The following KIAA1549L variants were observed in gnomAD, a reference collection of about 807,000 sequenced individuals.
The protein encoded by KIAA1549L is UPF0606 protein KIAA1549L.
A neutral mutation model predicts 160.7 loss-of-function variants in KIAA1549L; 88 were observed. The ratio of observed to expected loss-of-function variants is 0.55; its 90% CI spans 0.46 to 0.65. The LOEUF (loss-of-function observed/expected upper bound fraction) is 0.65, where lower values mean the gene tolerates loss of function less well. KIAA1549L is among the 30% of genes least tolerant of loss of function. The pLI, the probability that KIAA1549L is intolerant of heterozygous loss-of-function variation, is 0.00. For missense variants in KIAA1549L, 2,258 were observed against 2,437.5 expected, an observed-to-expected ratio of 0.93 and a Z score of 1.55; for synonymous variants, 950 against 976.7, an observed-to-expected ratio of 0.97 and a Z score of 0.51.
At chr11:33,465,435 A>C (rs1250360286) in intron 1 of KIAA1549L, among the ~76,000 whole-genome samples, 1 of 152,058 alleles carries the variant, frequency 6.6e-6, no homozygotes, top group Admixed American at 6.6e-5. Context: ...CAGGGGCTCC[A>C]CTGAGGGTTC....
chr11:33,589,097 G>A (rs1190416786), intron 11 of KIAA1549L, among the ~76,000 whole-genome samples: 6 of 152,222 alleles, frequency 3.9e-5, no homozygotes, highest in South Asian at 2.1e-4. Flanking sequence ...AAAAGTGGGC[G>A]AAGGATATGA....
chr11:33,612,050 T>TA (rs1850661878), intron 15 of KIAA1549L, among the ~76,000 whole-genome samples: 1 of 152,098 alleles, frequency 6.6e-6, no homozygotes, highest in South Asian at 2.1e-4. Context: ...TTCATGATCA[T>TA]AAAGCACCAA....
intron 20 of KIAA1549L, among the ~76,000 whole-genome samples, chr11:33,667,071 C>T (rs1852483289): frequency 6.6e-6 from 1 of 152,210 alleles, no homozygotes; most frequent in African/African-American, 2.4e-5. Context: ...GTGGTACCCA[C>T]CTGTAGTCCC....
At chr11:33,629,437 C>T (rs1428289022) in intron 16 of KIAA1549L, among the ~76,000 whole-genome samples, 1 of 152,164 alleles carries the variant, frequency 6.6e-6, no homozygotes, top group Non-Finnish European at 1.5e-5. Context: ...ATCAGACGTA[C>T]ATTTGGTCTT....
chr11:33,487,660 A>G (rs1337648797), intron 1 of KIAA1549L, among the ~76,000 whole-genome samples: 1 of 151,662 alleles, frequency 6.6e-6, no homozygotes, highest in Non-Finnish European at 1.5e-5. Flanking sequence ...AATACTTGAA[A>G]CCCATCCTCA....
chr11:33,511,031 C>T (rs903968272), intron 1 of KIAA1549L, among the ~76,000 whole-genome samples: 1 of 152,224 alleles, frequency 6.6e-6, no homozygotes, highest in Non-Finnish European at 1.5e-5. Flanking sequence ...TCCTAGGCCT[C>T]AGAAGCTGGA....
chr11:33,630,348 C>G (rs1851245444), intron 16 of KIAA1549L, among the ~76,000 whole-genome samples: 1 of 152,268 alleles, frequency 6.6e-6, no homozygotes, highest in Admixed American at 6.5e-5. Flanking sequence ...CCTAAGCAAG[C>G]CTGGGCAATG....
chr11:33,529,107 A>T (rs1853681096), intron 1 of KIAA1549L, among the ~76,000 whole-genome samples: 1 of 152,186 alleles, frequency 6.6e-6, no homozygotes, highest in Admixed American at 6.5e-5. Flanking sequence ...AGGCCTAGGC[A>T]GGCAGACCAC....
intron 1 of KIAA1549L, among the ~76,000 whole-genome samples, chr11:33,457,435 C>T (rs545702580): frequency 9.2e-5 from 14 of 152,178 alleles, no homozygotes; most frequent in Non-Finnish European, 1.8e-4. Context: ...CATCCTGTTA[C>T]CCAAAGCATC....
At chr11:33,444,465 G>T (rs1851570809) in intron 1 of KIAA1549L, among the ~76,000 whole-genome samples, 1 of 152,112 alleles carries the variant, frequency 6.6e-6, no homozygotes, top group African/African-American at 2.4e-5. Flanking sequence ...GATATTTCTG[G>T]AAAGAGGCAC....
At chr11:33,441,425 G>A (rs1479397635) in intron 1 of KIAA1549L, among the ~76,000 whole-genome samples, 5 of 151,786 alleles carry the variant, frequency 3.3e-5, no homozygotes, top group Admixed American at 2.0e-4. Context: ...TAATCCTTTG[G>A]ATATATACCC....
chr11:33,578,454 C>T (rs959388102), intron 10 of KIAA1549L, among the ~76,000 whole-genome samples: 25 of 152,208 alleles, frequency 1.6e-4, no homozygotes, highest in Non-Finnish European at 8.8e-5. Context: ...TCCCATCATT[C>T]TCTCCCACTT....
At chr11:33,606,499 C>A in intron 13 of KIAA1549L, 142 bp from the exon 14 acceptor site, 1 of 746,456 alleles carries the variant, frequency 1.3e-6, no homozygotes, top group Non-Finnish European at 2.1e-6. Context: ...GTAGCGAGTC[C>A]TTGGCACAGA....
intron 6 of KIAA1549L, among the ~76,000 whole-genome samples, chr11:33,555,839 C>CA (rs1295542861): frequency 6.6e-6 from 1 of 151,964 alleles, no homozygotes; most frequent in Non-Finnish European, 1.5e-5. Flanking sequence ...TTCTGTGCAT[C>CA]AAAAAACACT....
rs139358642 is a variant in KIAA1549L at position 33,390,558 on chromosome 11, G to T, written c.238+13669G>T. Among the ~76,000 whole-genome samples, 93 of 152,300 alleles carry T rather than the reference G, an allele frequency of 6.1e-4. No homozygotes were observed. In the East Asian group the frequency reaches 8.3e-3, roughly 14 times the overall value. ...GCTGCAATCTGGCCAATGGAATTAG[G>T]GAAACTACCTCTCATCCATTCAGCA... On this transcript the variant is annotated intron_variant, in intron 1 of 20. Transcript: ENST00000658780.
intron 15 of KIAA1549L, among the ~76,000 whole-genome samples, chr11:33,610,186 A>T (rs1465221486): frequency 6.6e-6 from 1 of 152,096 alleles, no homozygotes; most frequent in Non-Finnish European, 1.5e-5. Flanking sequence ...TGGGCAAACA[A>T]CCATAATTGT....
At chr11:33,380,908 C>T (rs144690414) in intron 1 of KIAA1549L, among the ~76,000 whole-genome samples, 1 of 152,158 alleles carries the variant, frequency 6.6e-6, no homozygotes, top group East Asian at 1.9e-4. Flanking sequence ...GGTTCAAGCT[C>T]ATTTGTTCAT....
intron 1 of KIAA1549L, among the ~76,000 whole-genome samples, chr11:33,383,630 C>T (rs1850116599): frequency 6.6e-6 from 1 of 152,170 alleles, no homozygotes; most frequent in African/African-American, 2.4e-5. Context: ...AGGCCTGGAC[C>T]CTGCTCTCAG....
At chr11:33,401,304 AATAG>A (rs1197290400) in intron 1 of KIAA1549L, among the ~76,000 whole-genome samples, 10 of 148,054 alleles carry the variant, frequency 6.8e-5, no homozygotes, top group South Asian at 2.1e-4. Context: ...TAAAATATAT[AATAG>A]ATATAAAATA....
Sources: gnomAD v4.1 joint callset for allele counts (sites outside exome capture counted in the v4.1 genomes callset) on GRCh38, gnomAD v4.1.1 for gene constraint, MANE v1.5 for transcripts, NCBI Gene and HGNC (gene_info 2026-07-23, HGNC 2026-07-21) for gene names.